Variants in TENM3 observed in about 807,000 individuals in gnomAD.
TENM3 encodes the protein teneurin transmembrane protein 3.
A neutral mutation model predicts 255.1 loss-of-function variants in TENM3; 63 were observed. The ratio of observed to expected loss-of-function variants is 0.25; its 90% CI spans 0.20 to 0.30. The LOEUF (loss-of-function observed/expected upper bound fraction) is 0.30. Among genes scored for constraint, TENM3 ranks in the 10% least tolerant of loss-of-function variants. The probability of loss-of-function intolerance (pLI) is 1.00; values close to 1 mark genes in which losing one functional copy is unlikely to be tolerated. For synonymous variants in TENM3, 1,306 were observed against 1,322.3 expected (o/e 0.99, Z 0.27); for missense variants, 2,929 against 3,461.1 (o/e 0.85, Z 3.86).
the TENM3 span, among the ~76,000 whole-genome samples, chr4:181,782,057 C>T: frequency 6.6e-6 from 1 of 152,146 alleles, no homozygotes; most frequent in South Asian, 2.1e-4. Context: ...CGATGTTCAT[C>T]AGGGATATTG....
At chr4:181,589,851 T>C in the TENM3 span, among the ~76,000 whole-genome samples, 3 of 152,346 alleles carry the variant, frequency 2.0e-5, no homozygotes, top group African/African-American at 4.8e-5. Flanking sequence ...CTGTTTCTGA[T>C]GACAGAAGGG....
intron 22 of TENM3, among the ~76,000 whole-genome samples, chr4:182,767,412 C>CTGT (rs1202040217): frequency 6.6e-6 from 1 of 152,182 alleles, no homozygotes; most frequent in East Asian, 1.9e-4. Flanking sequence ...AGATACGAGG[C>CTGT]TGTTACAAAT....
At chr4:182,002,574 A>G in the TENM3 span, among the ~76,000 whole-genome samples, 3 of 152,084 alleles carry the variant, frequency 2.0e-5, no homozygotes, top group Non-Finnish European at 4.4e-5. Context: ...CTTCCGTCCA[A>G]TAAGACCAGG....
rs367731863 is a variant in TENM3 at position 182,792,367 on chromosome 4, C to T, written c.5695C>T (p.Arg1899Cys). Residue 1899 changes from arginine to cysteine, a missense_variant, in exon 26 of 28, where the codon CGC (arginine) becomes TGC (cysteine). Coordinates refer to ENST00000511685, the MANE Select transcript of TENM3 (RefSeq NM_001080477.4). The surrounding 1 kb of genome is among the most constrained non-coding windows in gnomAD (Gnocchi z 6.3). Reference sequence around the variant, plus strand: ...TGCCATCACCATGCCCAGTGTGGCTCGCCACACCATGCAGACCATCCGATC... The same window carrying T: ...TGCCATCACCATGCCCAGTGTGGCTTGCCACACCATGCAGACCATCCGATC... ...LSAITMPSVA[R>C]HTMQTIRSIG... 2.7e-5 allele frequency: 43 copies of T among 1,613,790 alleles called. No individual in the cohort carries two copies. The African/African-American group carries it at 4.7e-4, about 18-fold the overall frequency.
intron 3 of TENM3, among the ~76,000 whole-genome samples, chr4:182,528,551 C>T (rs552161249): frequency 8.5e-5 from 13 of 152,126 alleles, no homozygotes; most frequent in Non-Finnish European, 1.9e-4. Context: ...AGACCTTAAA[C>T]CAAAATCTGA....
At chr4:182,632,840 T>C (rs187387023) in intron 5 of TENM3, among the ~76,000 whole-genome samples, 45 of 152,198 alleles carry the variant, frequency 3.0e-4, no homozygotes, top group Admixed American at 9.2e-4. Context: ...TTTTATTTTT[T>C]GGAGACAGGT....
chr4:181,724,272 C>T, the TENM3 span, among the ~76,000 whole-genome samples: 2 of 152,116 alleles, frequency 1.3e-5, no homozygotes. Context: ...CTGTTGTAAG[C>T]ATAACTCATT....
At chr4:181,692,756 C>G in the TENM3 span, among the ~76,000 whole-genome samples, 1 of 152,142 alleles carries the variant, frequency 6.6e-6, no homozygotes, top group African/African-American at 2.4e-5. Flanking sequence ...TGCGGGGCAT[C>G]AGAGGGTCTT....
chr4:182,439,984 T>TGTCTTC (rs1736888091), intron 3 of TENM3, among the ~76,000 whole-genome samples: 1 of 152,206 alleles, frequency 6.6e-6, no homozygotes, highest in Non-Finnish European at 1.5e-5. Context: ...GGCTGGTTGC[T>TGTCTTC]GTCTTCGTTT....
At chr4:181,729,793 A>G in the TENM3 span, among the ~76,000 whole-genome samples, 1 of 152,104 alleles carries the variant, frequency 6.6e-6, no homozygotes, top group Non-Finnish European at 1.5e-5. Context: ...TGCTATGTAC[A>G]TTTTCCAGCC....
rs866724914 is a variant in TENM3, at chr4:182,680,319, C to T, written c.1609C>T (p.Pro537Ser). Residue 537 changes from proline (P) to serine (S), a missense_variant, in exon 9 of 28, where the codon CCA becomes TCA. Transcript: ENST00000511685. ...CGTTTCTGGAACTTGCCATTGTTTT[C>T]CAGGATTTCTGGGTCCGGATTGTTC... The part of the protein sequence containing the change: ...ECVSGTCHCF[P>S]GFLGPDCSRA... 1 of 1,613,584 alleles carries T rather than the reference C, an allele frequency of 6.2e-7. No individual in the cohort carries two copies. The highest frequency in any genetic ancestry group is 8.5e-7 in the Non-Finnish European group (1 of 1,179,742).
chr4:182,468,864 G>A (rs964184333), intron 3 of TENM3, among the ~76,000 whole-genome samples: 1 of 130,990 alleles, frequency 7.6e-6, no homozygotes, highest in African/African-American at 2.8e-5. Flanking sequence ...GTGTGTGTGT[G>A]TGTGTGTATG....
Position 182,539,369 on chromosome 4 carries a change from C to G in TENM3, c.512-61555C>G, listed in dbSNP as rs188850741. Among the ~76,000 whole-genome samples the G allele has an allele frequency of 2.6e-3, 389 of 151,968 alleles. 3 individuals carry two copies. The highest frequency in any genetic ancestry group is 9.0e-3 in the African/African-American group (375 of 41,464). ...ACTGATGAGCTAGCAGTGACTTCTC[C>G]GGAGGGATGGGAGTGGAAGCCAGAG... On this transcript the variant is annotated intron_variant, in intron 3 of 27. Coordinates refer to ENST00000511685, the MANE Select transcript of TENM3 (RefSeq NM_001080477.4).
chr4:182,523,754 A>G (rs1738823391), intron 3 of TENM3, among the ~76,000 whole-genome samples: 1 of 152,078 alleles, frequency 6.6e-6, no homozygotes, highest in Non-Finnish European at 1.5e-5. Context: ...CATATATATC[A>G]CTTACAGCAT....
At chr4:181,477,471 T>C in the TENM3 span, among the ~76,000 whole-genome samples, 2 of 152,244 alleles carry the variant, frequency 1.3e-5, no homozygotes, top group South Asian at 4.1e-4. Context: ...TTTCTTGGAT[T>C]TTTTTCCTAA....
chr4:182,345,084 A>C (rs949664163), intron 2 of TENM3, among the ~76,000 whole-genome samples: 11 of 152,032 alleles, frequency 7.2e-5, no homozygotes, highest in African/African-American at 2.4e-4. Context: ...GCACACTTTG[A>C]TTTGCAGCTA....
chr4:182,650,913 TATATATATATAA>T (rs369095540), intron 5 of TENM3, among the ~76,000 whole-genome samples: 12,680 of 41,222 alleles, frequency 0.31, 1,099 homozygotes, highest in African/African-American at 0.51. Flanking sequence ...TATATATATA[TATATATATATAA>T]AACAAAGCTG....
the TENM3 span, among the ~76,000 whole-genome samples, chr4:181,641,812 A>G: frequency 1.0e-5 from 1 of 98,404 alleles, no homozygotes; most frequent in Non-Finnish European, 2.0e-5. Flanking sequence ...CACCATATAT[A>G]TATATATATA....
the TENM3 span, among the ~76,000 whole-genome samples, chr4:182,009,654 G>A: frequency 6.6e-6 from 1 of 152,096 alleles, no homozygotes; most frequent in Non-Finnish European, 1.5e-5. Flanking sequence ...TTAGGTGTTT[G>A]GAGTCCCAGT....
Sources: allele counts gnomAD v4.1 joint callset (sites outside exome capture counted in the v4.1 genomes callset), GRCh38; gene constraint gnomAD v4.1.1; non-coding constraint Gnocchi (gnomAD v3.1); transcripts MANE v1.5; gene names NCBI Gene and HGNC (gene_info 2026-07-23, HGNC 2026-07-21).